Variants in SUMF1 observed in about 807,000 individuals in gnomAD.
SUMF1 encodes sulfatase modifying factor 1.
SUMF1 carries 48 observed loss-of-function variants against 47.6 expected under a neutral mutation model. That is an observed-to-expected ratio of 1.01 (90% CI 0.80 to 1.28). The LOEUF (loss-of-function observed/expected upper bound fraction) is 1.28. SUMF1 is among the 50% of genes most tolerant of loss of function. The pLI is 0.00. For missense variants in SUMF1, 571 were observed against 485.4 expected (o/e 1.18, Z -1.66); for synonymous variants, 230 against 192.1 (o/e 1.20, Z -1.63).
chr3:4,183,708 T>C (rs1433584421), intron 8 of SUMF1, among the ~76,000 whole-genome samples: 3 of 152,164 alleles, frequency 2.0e-5, no homozygotes, highest in African/African-American at 7.2e-5. Flanking sequence ...ATCAGTATGA[T>C]TTTCTTATCT....
At chr3:4,102,969 C>G (rs982494318) in intron 8 of SUMF1, among the ~76,000 whole-genome samples, 4 of 151,044 alleles carry the variant, frequency 2.6e-5, no homozygotes, top group African/African-American at 7.3e-5. Context: ...GTCACCCAGG[C>G]TGGAGTGTAG....
intron 8 of SUMF1, among the ~76,000 whole-genome samples, chr3:4,279,622 G>A (rs1228799977): frequency 6.6e-6 from 1 of 151,888 alleles, no homozygotes; most frequent in East Asian, 1.9e-4. Flanking sequence ...GGGAGGTGAA[G>A]GTTCATCACA....
At chr3:4,101,319 A>G (rs1293842760) in intron 8 of SUMF1, among the ~76,000 whole-genome samples, 1 of 152,202 alleles carries the variant, frequency 6.6e-6, no homozygotes, top group Non-Finnish European at 1.5e-5. Context: ...TAAAAAACAC[A>G]ACAGGAAATT....
Position 4,238,008 on chromosome 3 carries a change from C to T in SUMF1, c.1014+138322G>A, listed in dbSNP as rs533675700. 1.5e-4 allele frequency among the ~76,000 whole-genome samples: 23 copies of T among 152,082 alleles called. No homozygotes were observed. In the South Asian group the frequency reaches 4.8e-3, roughly 32 times the overall value. On this transcript the variant is annotated intron_variant and NMD_transcript_variant, in intron 8 of 12. Transcript: ENST00000448413. ...ATGTGTTCTCATTGTTCAACTCCCA[C>T]TTATGAGTGAGAACATGTGGTGTTT...
chr3:4,137,029 G>T lies in SUMF1; in HGVS notation c.1015-68284C>A, dbSNP rs563072484. 1.1e-4 allele frequency among the ~76,000 whole-genome samples: 17 copies of T among 152,210 alleles called. No homozygotes were observed. In the East Asian group the frequency reaches 3.3e-3, roughly 29 times the overall value. On this transcript the variant is annotated intron_variant and NMD_transcript_variant, in intron 8 of 12. Transcript: ENST00000448413. ...ACACTTTTACACTGTTGGTGGGACT[G>T]TAAACTAGTTCAACCATTGTGGAAG...
In SUMF1 at chr3:4,116,258, C is replaced by G. The variant is rs548370609; in HGVS notation, c.1015-47513G>C. 4.6e-5 allele frequency among the ~76,000 whole-genome samples: 7 copies of G among 152,244 alleles called. No individual in the cohort carries two copies. The East Asian group carries it at 1.4e-3, about 29-fold the overall frequency. ...TGCTAATTTGTTTTCTACCACGTCA[C>G]TTCACTACCCAACATCAAGGGCCAC... is the stretch of plus-strand genomic sequence containing the variant. On this transcript the variant is annotated intron_variant and NMD_transcript_variant, in intron 8 of 12. Transcript: ENST00000448413.
intron 8 of SUMF1, among the ~76,000 whole-genome samples, chr3:4,165,791 G>C (rs1253824364): frequency 6.8e-6 from 1 of 147,092 alleles, no homozygotes; most frequent in Non-Finnish European, 1.5e-5. Flanking sequence ...TGCATTTCAA[G>C]GGTGAACCTG....
intron 9 of SUMF1, among the ~76,000 whole-genome samples, chr3:4,041,942 C>G (rs1694914277): frequency 6.6e-6 from 1 of 152,128 alleles, no homozygotes; most frequent in African/African-American, 2.4e-5. Flanking sequence ...GTCTCAGGCT[C>G]CTCATCTGGA....
intron 8 of SUMF1, among the ~76,000 whole-genome samples, chr3:4,248,824 T>C (rs1236389936): frequency 6.6e-6 from 1 of 152,192 alleles, no homozygotes; most frequent in Non-Finnish European, 1.5e-5. Flanking sequence ...GAGCAACATG[T>C]TCCTAGAGCC....
At chr3:4,314,203 C>G (rs1233673016) in intron 8 of SUMF1, 2 of 174,584 alleles carry the variant, frequency 1.1e-5, no homozygotes, top group African/African-American at 2.4e-5. Context: ...TGTAGAACAT[C>G]CTGTCAGTCG....
intron 8 of SUMF1, among the ~76,000 whole-genome samples, chr3:4,141,288 G>C (rs1458276387): frequency 6.6e-6 from 1 of 152,116 alleles, no homozygotes; most frequent in Non-Finnish European, 1.5e-5. Flanking sequence ...GCATACTGGA[G>C]TTAGGCATTT....
chr3:4,114,176 C>A (rs1693372069), intron 8 of SUMF1, among the ~76,000 whole-genome samples: 1 of 152,014 alleles, frequency 6.6e-6, no homozygotes, highest in Admixed American at 6.5e-5. Context: ...ACTTTCTGAT[C>A]CAGGACAGAT....
intron 8 of SUMF1, among the ~76,000 whole-genome samples, chr3:4,312,714 A>AAAC (rs1553553377): frequency 6.6e-6 from 1 of 151,590 alleles, no homozygotes; most frequent in African/African-American, 2.4e-5. Flanking sequence ...AAAAAAAAAA[A>AAAC]AAAAAAACTT....
intron 8 of SUMF1, among the ~76,000 whole-genome samples, chr3:4,215,034 C>G (rs1695887763): frequency 1.3e-5 from 2 of 152,134 alleles, no homozygotes; most frequent in African/African-American, 4.8e-5. Flanking sequence ...GGAATCCTCC[C>G]TAACTCATTT....
At chr3:4,055,856 T>C (rs1004772087) in intron 9 of SUMF1, among the ~76,000 whole-genome samples, 3 of 152,204 alleles carry the variant, frequency 2.0e-5, no homozygotes, top group Non-Finnish European at 4.4e-5. Context: ...GGCAAGGCCA[T>C]ATTCCTTCCC....
At chr3:4,043,795 T>C (rs1694953374) in intron 9 of SUMF1, among the ~76,000 whole-genome samples, 1 of 152,214 alleles carries the variant, frequency 6.6e-6, no homozygotes, top group South Asian at 2.1e-4. Context: ...AAACTATGTT[T>C]CTTTCAACTC....
chr3:4,447,719 G>T (rs986094027), intron 3 of SUMF1, among the ~76,000 whole-genome samples: 1 of 152,146 alleles, frequency 6.6e-6, no homozygotes, highest in Non-Finnish European at 1.5e-5. Context: ...TAAAAGGTTT[G>T]CTTTTCCATT....
rs1326270478 is a variant in SUMF1, at chr3:4,201,226, T to C, written c.1015-132481A>G. Reference sequence around the variant, plus strand: ...CCCTATTGTGCTATCAAATACTAGATCTTATTTATTCTATATAACTATATT... The same window carrying C: ...CCCTATTGTGCTATCAAATACTAGACCTTATTTATTCTATATAACTATATT... On this transcript the variant is annotated intron_variant and NMD_transcript_variant, in intron 8 of 12. Transcript: ENST00000448413. 2.6e-5 allele frequency among the ~76,000 whole-genome samples: 4 copies of C among 152,042 alleles called. No homozygotes were observed. The East Asian group carries it at 7.7e-4, about 29-fold the overall frequency.
chr3:4,132,758 A>T (rs369838238), intron 8 of SUMF1, among the ~76,000 whole-genome samples: 1 of 152,168 alleles, frequency 6.6e-6, no homozygotes, highest in African/African-American at 2.4e-5. Context: ...AGGGAGTTAC[A>T]GTGTTGGCTG....
Sources: allele counts gnomAD v4.1 joint callset (sites outside exome capture counted in the v4.1 genomes callset), GRCh38; gene constraint gnomAD v4.1.1; transcripts MANE v1.5; gene names NCBI Gene and HGNC (gene_info 2026-07-23, HGNC 2026-07-21).